NEURL1: variants seen among roughly 807,000 people sequenced by gnomAD.
NEURL1 encodes the protein neuralized E3 ubiquitin protein ligase 1.
In NEURL1, 26 loss-of-function variants were observed where a neutral mutation model predicts 41.2. The observed-to-expected ratio is 0.63, with a 90% CI of 0.46 to 0.87. NEURL1 has a LOEUF of 0.87. Among genes scored for constraint, NEURL1 ranks in the 40% least tolerant of loss-of-function variants. The pLI is 0.00. For missense variants in NEURL1, 761 were observed against 871.1 expected (o/e 0.87, Z 1.59); for synonymous variants, 400 against 402.3 (o/e 0.99, Z 0.07).
At chr10:103,555,871 G>T (rs2035142389) in intron 1 of NEURL1, among the ~76,000 whole-genome samples, 1 of 152,332 alleles carries the variant, frequency 6.6e-6, no homozygotes, top group South Asian at 2.1e-4. Flanking sequence ...GGGCCTTGGA[G>T]ATGGTGCTGT....
chr10:103,578,055 T>C (rs1271469259), intron 3 of NEURL1, among the ~76,000 whole-genome samples: 1 of 152,102 alleles, frequency 6.6e-6, no homozygotes, highest in East Asian at 1.9e-4. Flanking sequence ...AGCTCGGGCC[T>C]TGCAGTATTG....
intron 1 of NEURL1, among the ~76,000 whole-genome samples, chr10:103,501,618 T>TTTTTTATTATTA (rs372200333): frequency 6.2e-4 from 89 of 142,598 alleles, no homozygotes; most frequent in Non-Finnish European, 1.1e-3. Context: ...TCCCACTTTA[T>TTTTTTATTATTA]TTATTATTAT....
chr10:103,576,235 C>T (rs996305880), intron 3 of NEURL1, among the ~76,000 whole-genome samples: 3 of 152,138 alleles, frequency 2.0e-5, no homozygotes, highest in Non-Finnish European at 4.4e-5. Context: ...AGGAGGACTT[C>T]CTGTAGGAGA....
rs2035551644 is a variant in NEURL1 at position 103,571,720 on chromosome 10, A to G, written c.547A>G (p.Asn183Asp). The G allele has an allele frequency of 6.2e-7, 1 of 1,614,040 alleles. No homozygotes were observed. The highest frequency in any genetic ancestry group is 2.2e-5 in the East Asian group (1 of 44,886). ...DKKGRVFHRINDSAVMLFFSG... is the reference protein window; with the variant it reads ...DKKGRVFHRIDDSAVMLFFSG... ...GAAGGGCCGTGTCTTCCACCGCATC[A>G]ACGACTCGGCTGTTATGCTGTTCTT... is the stretch of plus-strand genomic sequence containing the variant. The change falls in exon 3 of 6, where the codon AAC becomes GAC. Residue 183 changes from asparagine to aspartate, a missense_variant. Coordinates refer to ENST00000369780, the MANE Select transcript of NEURL1 (RefSeq NM_004210.5).
At chr10:103,501,036 G>A (rs1052453268) in intron 1 of NEURL1, among the ~76,000 whole-genome samples, 1 of 152,196 alleles carries the variant, frequency 6.6e-6, no homozygotes, top group African/African-American at 2.4e-5. Flanking sequence ...TGGGCTGGCA[G>A]CAAAGGCACA....
chr10:103,588,366 C>A (rs891537008), intron 4 of NEURL1, among the ~76,000 whole-genome samples: 1 of 150,884 alleles, frequency 6.6e-6, no homozygotes, highest in African/African-American at 2.4e-5. Context: ...GAGTCCTGGG[C>A]ACAGAACAAA....
chr10:103,508,413 G>C lies in NEURL1; in HGVS notation c.85+13941G>C, dbSNP rs2033995325. Among the ~76,000 whole-genome samples, 1 of 152,220 alleles carries C rather than the reference G, an allele frequency of 6.6e-6. No individual in the cohort carries two copies. The highest frequency in any genetic ancestry group is 6.5e-5 in the Admixed American group (1 of 15,272). On this transcript the variant is annotated intron_variant, in intron 1 of 5. Coordinates refer to ENST00000369780, the MANE Select transcript of NEURL1 (RefSeq NM_004210.5). The surrounding 1 kb of genome is among the most constrained non-coding windows in gnomAD (Gnocchi z 4.3). Reference sequence around the variant, plus strand: ...TTGCGACTCTCATCCTCAGGATACAGCTAGGACCTCTTTCTGTCTCTGAGC... The same window carrying C: ...TTGCGACTCTCATCCTCAGGATACACCTAGGACCTCTTTCTGTCTCTGAGC...
At chr10:103,582,901 A>G (rs1403541747) in intron 3 of NEURL1, among the ~76,000 whole-genome samples, 1 of 152,230 alleles carries the variant, frequency 6.6e-6, no homozygotes, top group Non-Finnish European at 1.5e-5. Context: ...GGAAGTGAAG[A>G]ATGCGGCATT....
Position 103,584,527 on chromosome 10 carries a change from C to T in NEURL1, c.650-9C>T. 7.4e-7 allele frequency: 1 copy of T among 1,355,872 alleles called. No homozygotes were observed. Among genetic ancestry groups the T allele is most frequent in the Non-Finnish European group, 9.4e-7 (1 of 1,059,304 alleles). The allele number at this position is 1,355,872 out of a possible 1,614,324, so 84.0% of individuals were successfully genotyped here. A position where few individuals can be genotyped will look rare whatever the true frequency, so the allele number is the denominator to read the frequency against. On this transcript the variant is annotated splice_polypyrimidine_tract_variant and intron_variant, in intron 3 of 5. Transcript: ENST00000369780. ...CCCTGCGTGACACTGCCCCGTGTCT[C>T]CCGCGCAGATAGCGAGCTGGTGCTC...
At chr10:103,578,298 C>T (rs745688874) in intron 3 of NEURL1, among the ~76,000 whole-genome samples, 18 of 152,214 alleles carry the variant, frequency 1.2e-4, no homozygotes, top group African/African-American at 2.9e-4. Flanking sequence ...CCGCCCTCCA[C>T]GGCCAAAAAA....
In NEURL1 at chr10:103,584,677, A is replaced by AGGCCGCGCCGGCCGCCGG; in HGVS notation, c.792_809dup (p.Ala265_Gly270dup). On this transcript the variant is annotated inframe_insertion, in exon 4 of 6. Transcript: ENST00000369780. ...AACGTGCCGGGCGCGGACGGCGACG[A>AGGCCGCGCCGGCCGCCGG]GGCCGCGCCGGCCGCCGGCTGCCCC... is the stretch of plus-strand genomic sequence containing the variant. 7.0e-7 allele frequency: 1 copy of AGGCCGCGCCGGCCGCCGG among 1,428,656 alleles called. No homozygotes were observed. The highest frequency in any genetic ancestry group is 1.5e-5 in the African/African-American group (1 of 66,800). The allele number at this position is 1,428,656 out of a possible 1,614,324, so 88.5% of individuals were successfully genotyped here.
At chr10:103,526,480 G>A (rs2034461198) in intron 1 of NEURL1, among the ~76,000 whole-genome samples, 1 of 151,764 alleles carries the variant, frequency 6.6e-6, no homozygotes, top group Admixed American at 6.6e-5. Context: ...ATGTGTCCAG[G>A]AATTTCTCAA....
intron 1 of NEURL1, among the ~76,000 whole-genome samples, chr10:103,570,644 G>A (rs1057359328): frequency 6.6e-6 from 1 of 151,590 alleles, no homozygotes; most frequent in Non-Finnish European, 1.5e-5. Flanking sequence ...AGAATGCCGA[G>A]GTGAGAAGTG....
chr10:103,512,114 A>G (rs2034086269), intron 1 of NEURL1: 1 of 152,248 alleles, frequency 6.6e-6, no homozygotes, highest in African/African-American at 2.4e-5. Context: ...GGCTCTGGAG[A>G]CAGACATGGT....
intron 1 of NEURL1, 90 bp downstream of exon 1, chr10:103,494,562 T>A: frequency 8.8e-7 from 1 of 1,142,116 alleles, no homozygotes; most frequent in Non-Finnish European, 1.2e-6. Context: ...AGACGCCACC[T>A]GTTGTGCGTG....
At chr10:103,504,717 C>T (rs573224097) in intron 1 of NEURL1, among the ~76,000 whole-genome samples, 5 of 152,340 alleles carry the variant, frequency 3.3e-5, no homozygotes, top group African/African-American at 1.2e-4. Context: ...TTACGTTCCA[C>T]CTCCTGGAGG....
intron 1 of NEURL1, among the ~76,000 whole-genome samples, chr10:103,569,114 C>T (rs2035485546): frequency 6.6e-6 from 1 of 152,188 alleles, no homozygotes; most frequent in Non-Finnish European, 1.5e-5. Flanking sequence ...GGTGCCTGGG[C>T]CACTTATCTG....
At chr10:103,587,078 GAGAA>G (rs2035939528) in intron 4 of NEURL1, among the ~76,000 whole-genome samples, 2 of 151,912 alleles carry the variant, frequency 1.3e-5, no homozygotes, top group Admixed American at 6.6e-5. Context: ...GAGAAAGAAA[GAGAA>G]AGAGAAAAAT....
At chr10:103,582,993 C>T (rs957467524) in intron 3 of NEURL1, among the ~76,000 whole-genome samples, 7 of 152,274 alleles carry the variant, frequency 4.6e-5, no homozygotes, top group Admixed American at 1.3e-4. Flanking sequence ...ATCTGTAAAA[C>T]GGGAACACTT....
Sources: gnomAD v4.1 joint callset for allele counts (sites outside exome capture counted in the v4.1 genomes callset) on GRCh38, gnomAD v4.1.1 for gene constraint, Gnocchi (gnomAD v3.1) non-coding constraint, MANE v1.5 for transcripts, NCBI Gene and HGNC (gene_info 2026-07-23, HGNC 2026-07-21) for gene names.